The following FMN1 variants were observed in gnomAD, a reference collection of about 807,000 sequenced individuals.
FMN1 encodes formin-1.
FMN1 carries 110 observed loss-of-function variants against 132.4 expected under a neutral mutation model. That is an observed-to-expected ratio of 0.83 (90% CI 0.71 to 0.97). The LOEUF is 0.97. FMN1 is among the 50% of genes least tolerant of loss of function. The probability of loss-of-function intolerance (pLI) is 0.00; values close to 1 mark genes in which losing one functional copy is unlikely to be tolerated. For missense variants in FMN1, 1,792 were observed against 1,705.3 expected (o/e 1.05, Z -0.90); for synonymous variants, 722 against 651.7 (o/e 1.11, Z -1.64).
chr15:33,040,835 A>G (rs2141117197), intron 6 of FMN1, among the ~76,000 whole-genome samples: 1 of 152,344 alleles, frequency 6.6e-6, no homozygotes, highest in South Asian at 2.1e-4. Flanking sequence ...ATAACTTCAG[A>G]GATTAGCACA....
intron 17 of FMN1, among the ~76,000 whole-genome samples, chr15:32,818,746 G>C (rs894528036): frequency 6.6e-6 from 1 of 152,070 alleles, no homozygotes; most frequent in Non-Finnish European, 1.5e-5. Flanking sequence ...AAGCAAATGT[G>C]AAGCCTCTGT....
chr15:32,925,124 C>A (rs941006869), intron 10 of FMN1, among the ~76,000 whole-genome samples: 3 of 151,918 alleles, frequency 2.0e-5, no homozygotes, highest in African/African-American at 7.3e-5. Context: ...CCAAAGATAA[C>A]CAAATAGAAA....
intron 7 of FMN1, among the ~76,000 whole-genome samples, chr15:32,997,768 A>T (rs2033861446): frequency 6.6e-6 from 1 of 152,206 alleles, no homozygotes; most frequent in Non-Finnish European, 1.5e-5. Context: ...CTAAGAGCTC[A>T]TCTTTCACTT....
chr15:33,119,496 A>G (rs1052178106), intron 4 of FMN1, among the ~76,000 whole-genome samples: 1 of 152,306 alleles, frequency 6.6e-6, no homozygotes, highest in Admixed American at 6.5e-5. Context: ...GCCAAGCATT[A>G]ATGAGTCCAC....
intron 10 of FMN1, among the ~76,000 whole-genome samples, chr15:32,918,958 A>C (rs1297114666): frequency 6.6e-6 from 1 of 152,170 alleles, no homozygotes; most frequent in Non-Finnish European, 1.5e-5. Context: ...TGGAAAAGGA[A>C]AGGAAAATAT....
intron 6 of FMN1, among the ~76,000 whole-genome samples, chr15:33,022,275 T>G (rs373858686): frequency 6.6e-6 from 1 of 152,178 alleles, no homozygotes; most frequent in Non-Finnish European, 1.5e-5. Context: ...AGAATACAGA[T>G]GGTCAATTGT....
intron 16 of FMN1, among the ~76,000 whole-genome samples, chr15:32,867,762 A>C (rs1379169763): frequency 6.6e-6 from 1 of 152,146 alleles, no homozygotes; most frequent in Non-Finnish European, 1.5e-5. Context: ...AAGTGCTGGG[A>C]TTACAGGCGT....
chr15:32,881,283 G>T (rs538535), intron 16 of FMN1, among the ~76,000 whole-genome samples: 43,427 of 151,724 alleles, frequency 0.29, 6,754 homozygotes, highest in African/African-American at 0.42. Flanking sequence ...TGTGGTACAT[G>T]TAAGTCTTAT....
chr15:32,935,625 T>C (rs543142749), intron 9 of FMN1, among the ~76,000 whole-genome samples: 1 of 151,584 alleles, frequency 6.6e-6, no homozygotes, highest in South Asian at 2.1e-4. Flanking sequence ...CCTTAGACTT[T>C]CTTTACTCTT....
chr15:32,791,237 A>G (rs1315424024), intron 19 of FMN1, among the ~76,000 whole-genome samples: 3 of 144,228 alleles, frequency 2.1e-5, no homozygotes, highest in African/African-American at 7.6e-5. Context: ...AAGTTCTTGA[A>G]AGAACTCAAG....
intron 17 of FMN1, among the ~76,000 whole-genome samples, chr15:32,823,150 C>CTTTT (rs1567224634): frequency 3.6e-5 from 3 of 84,116 alleles, no homozygotes; most frequent in Admixed American, 1.6e-4. Flanking sequence ...AGAGTTTCTA[C>CTTTT]TGTTTTTTTT....
At chr15:33,039,796 T>C (rs753736363) in intron 6 of FMN1, among the ~76,000 whole-genome samples, 43 of 152,196 alleles carry the variant, frequency 2.8e-4, no homozygotes, top group Non-Finnish European at 4.4e-4. Context: ...AATAAAGATT[T>C]TGAATGTATC....
Position 33,153,290 on chromosome 15 carries a change from G to A in FMN1, c.1625C>T (p.Ala542Val). 1 of 1,536,214 alleles carries A rather than the reference G, an allele frequency of 6.5e-7. No individual in the cohort carries two copies. The highest frequency in any genetic ancestry group is 1.4e-5 in the African/African-American group (1 of 73,174). The change falls in exon 4 of 21, where the codon GCA becomes GTA. Residue 542 changes from alanine (A) to valine (V), a missense_variant. By Grantham distance (64) the Ala-to-Val change is moderately conservative (BLOSUM62 0). This residue lies in a region of FMN1 where 1,150 missense variants were observed against 1,043.1 expected (regional missense o/e 1.10). Coordinates refer to ENST00000616417, the MANE Select transcript of FMN1 (RefSeq NM_001277313.2). ...AGCAGCTTCCCTCTCACCAGGCAAT[G>A]CAGGGAGCCGGAGGATCCTGTGATG... The part of the protein sequence containing the change: ...QQHHRILRLP[A>V]LPGEREAALN...
intron 7 of FMN1, among the ~76,000 whole-genome samples, chr15:32,969,763 T>C (rs1353204968): frequency 6.6e-6 from 1 of 152,240 alleles, no homozygotes; most frequent in Non-Finnish European, 1.5e-5. Flanking sequence ...TAAGAACTCT[T>C]ACCCAATTTG....
At chr15:33,150,678 C>A in intron 4 of FMN1, 2 of 985,492 alleles carry the variant, frequency 2.0e-6, no homozygotes, top group African/African-American at 1.7e-5. Flanking sequence ...AGTCTTCCAA[C>A]TGGAAACAGA....
intron 6 of FMN1, among the ~76,000 whole-genome samples, chr15:33,061,351 G>A (rs1456089372): frequency 6.6e-6 from 1 of 151,978 alleles, no homozygotes; most frequent in Non-Finnish European, 1.5e-5. Context: ...ATCACAAGAA[G>A]CAAATCCATA....
At chr15:33,079,489 G>A (rs1462007065) in intron 5 of FMN1, among the ~76,000 whole-genome samples, 1 of 152,222 alleles carries the variant, frequency 6.6e-6, no homozygotes, top group African/African-American at 2.4e-5. Context: ...TGGGCATGGT[G>A]GCACCTGCCT....
chr15:32,885,351 A>G (rs2059871122), intron 16 of FMN1, among the ~76,000 whole-genome samples: 1 of 152,202 alleles, frequency 6.6e-6, no homozygotes, highest in Non-Finnish European at 1.5e-5. Flanking sequence ...ATGAGGCTTC[A>G]CATTTTGAAT....
chr15:32,806,468 ATAC>A (rs1209435482), intron 17 of FMN1, among the ~76,000 whole-genome samples: 3 of 152,378 alleles, frequency 2.0e-5, no homozygotes, highest in Admixed American at 6.5e-5. Flanking sequence ...GCAGGTATTA[ATAC>A]TACATTACCA....
Sources: allele counts gnomAD v4.1 joint callset (sites outside exome capture counted in the v4.1 genomes callset), GRCh38; gene constraint gnomAD v4.1.1; regional missense constraint gnomAD v4.1.1; transcripts MANE v1.5; gene names NCBI Gene and HGNC (gene_info 2026-07-23, HGNC 2026-07-21).